Variants in ABCB11 observed in about 807,000 individuals in gnomAD.
ABCB11 encodes bile salt export pump.
Under a neutral mutation model 148.0 loss-of-function variants are expected in ABCB11, and 95 were observed. That is an observed-to-expected ratio of 0.64 (90% CI 0.54 to 0.76). ABCB11 has a LOEUF of 0.76. Among genes scored for constraint, ABCB11 ranks in the 30% least tolerant of loss-of-function variants. ABCB11 has a pLI of 0.00. For missense variants in ABCB11, 1,523 were observed against 1,617.8 expected (o/e 0.94, Z 1.01); for synonymous variants, 591 against 555.4 (o/e 1.06, Z -0.90).
Position 168,921,084 on chromosome 2 carries a change from G to A in ABCB11, c.*2538C>T, listed in dbSNP as rs1574385252. 6.6e-6 allele frequency among the ~76,000 whole-genome samples: 1 copy of A among 152,162 alleles called. No homozygotes were observed. The highest frequency in any genetic ancestry group is 1.5e-5 in the Non-Finnish European group (1 of 68,016). ...TTCATCAAAATTAGAGGATTAGCAT[G>A]CATTTATTGCAAACCTTAATTTCCT... On this transcript the variant is annotated 3_prime_UTR_variant, in exon 28 of 28. Transcript: ENST00000650372.
chr2:168,991,262 C>T (rs939399668), intron 8 of ABCB11, among the ~76,000 whole-genome samples: 1 of 152,028 alleles, frequency 6.6e-6, no homozygotes, highest in African/African-American at 2.4e-5. Flanking sequence ...TTGCTATTAG[C>T]CAATGGCCAT....
intron 1 of ABCB11, among the ~76,000 whole-genome samples, chr2:169,025,394 C>T (rs949508360): frequency 6.6e-6 from 1 of 152,278 alleles, no homozygotes; most frequent in South Asian, 2.1e-4. Context: ...CCTTGCAGGA[C>T]TGGTGTGAAG....
chr2:168,940,715 G>A (rs143464530), intron 21 of ABCB11, among the ~76,000 whole-genome samples: 82 of 152,182 alleles, frequency 5.4e-4, no homozygotes, highest in African/African-American at 1.8e-3. Context: ...TGCCATCTAG[G>A]ACTTTCATAT....
intron 3 of ABCB11, 91 bp downstream of exon 3, chr2:169,016,687 G>T: frequency 1.0e-6 from 1 of 974,514 alleles, no homozygotes; most frequent in Non-Finnish European, 1.6e-6. Flanking sequence ...AGTGCAATGT[G>T]CATGAAAGTA....
intron 21 of ABCB11, among the ~76,000 whole-genome samples, chr2:168,942,916 T>A (rs556285001): frequency 1.5e-4 from 23 of 151,922 alleles, no homozygotes; most frequent in Non-Finnish European, 3.1e-4. Flanking sequence ...GAAAATGTAA[T>A]CTATATTTAA....
At chr2:169,018,249 A>C in intron 1 of ABCB11, 97 bp from the exon 2 acceptor site, 1 of 1,053,560 alleles carries the variant, frequency 9.5e-7, no homozygotes, top group Non-Finnish European at 1.4e-6. Context: ...TCAAGAAATA[A>C]TCTTTACTAA....
chr2:168,935,057 T>G, intron 23 of ABCB11, 127 bp downstream of exon 23: 2 of 1,326,548 alleles, frequency 1.5e-6, no homozygotes, highest in Non-Finnish European at 2.1e-6. Flanking sequence ...GAGAAATAAT[T>G]AATCCCAGCT....
intron 8 of ABCB11, 117 bp from the exon 9 acceptor site, chr2:168,991,042 G>T: frequency 8.2e-7 from 1 of 1,220,318 alleles, no homozygotes; most frequent in Non-Finnish European, 1.1e-6. Flanking sequence ...GATTCTCACT[G>T]TAACATCATT....
At chr2:169,016,432 T>G (rs1695358759) in intron 3 of ABCB11, among the ~76,000 whole-genome samples, 1 of 152,172 alleles carries the variant, frequency 6.6e-6, no homozygotes, top group African/African-American at 2.4e-5. Context: ...TAATGACACT[T>G]TAGGTCTCTA....
At chr2:168,926,051 C>A (rs988934492) in intron 26 of ABCB11, among the ~76,000 whole-genome samples, 3 of 152,144 alleles carry the variant, frequency 2.0e-5, no homozygotes, top group Non-Finnish European at 4.4e-5. Context: ...AAGCCTTCCA[C>A]AAACCCACAA....
chr2:168,952,692 T>G (rs1231360936), intron 19 of ABCB11, among the ~76,000 whole-genome samples: 21 of 42,642 alleles, frequency 4.9e-4, no homozygotes, highest in Admixed American at 1.6e-3. Flanking sequence ...TTTTTTTTTG[T>G]TTGTTTCTAT....
rs1447968011 is a variant in ABCB11 at position 168,932,440 on chromosome 2, G to A, written c.3150C>T (p.Arg1050=). The change falls in exon 24 of 28, where the codon CGC becomes CGT. Residue 1050 remains arginine (R), a synonymous_variant. Coordinates refer to ENST00000650372, the MANE Select transcript of ABCB11 (RefSeq NM_003742.4). ...SYAKAKISAA[R]FFQLLDRQPP... is the part of the protein sequence containing the mutation. ...GTTGTCGGTCCAGCAGTTGAAAAAA[G>A]CGTGCAGCTGATATTTTAGCTTTTG... 6.2e-7 allele frequency: 1 copy of A among 1,608,386 alleles called. No homozygotes were observed. Among genetic ancestry groups the A allele is most frequent in the East Asian group, 2.2e-5 (1 of 44,752 alleles).
In ABCB11 at chr2:168,978,963, G is replaced by A. The variant is rs13410784; in HGVS notation, c.1197+903C>T. On this transcript the variant is annotated intron_variant, in intron 11 of 27. Transcript: ENST00000650372. The stretch of plus-strand genomic sequence containing the variant: ...TTGAACTCCTGGGCTCAGGTGACGC[G>A]CCCACCTTGGCCTCCCAAAGTATTG... 5.1e-3 allele frequency among the ~76,000 whole-genome samples: 781 copies of A among 151,844 alleles called. 7 individuals are homozygous for A. The highest frequency in any genetic ancestry group is 0.018 in the African/African-American group (733 of 41,418).
At chr2:169,017,720 C>T (rs778842036) in intron 2 of ABCB11, among the ~76,000 whole-genome samples, 3 of 152,046 alleles carry the variant, frequency 2.0e-5, no homozygotes, top group Non-Finnish European at 4.4e-5. Context: ...TAAGGAGGAG[C>T]GCTCACTCAA....
At chr2:169,015,448 C>A (rs955119997) in intron 3 of ABCB11, among the ~76,000 whole-genome samples, 1 of 152,134 alleles carries the variant, frequency 6.6e-6, no homozygotes, top group Non-Finnish European at 1.5e-5. Flanking sequence ...CCTCCTCCAA[C>A]TATATTCTAG....
intron 9 of ABCB11, among the ~76,000 whole-genome samples, chr2:168,990,151 A>C (rs1318135049): frequency 6.6e-6 from 1 of 152,056 alleles, no homozygotes; most frequent in African/African-American, 2.4e-5. Context: ...CTCCGCTTTA[A>C]TTTTGTGGAA....
chr2:168,917,553 A>T (rs909387050), downstream of ABCB11, among the ~76,000 whole-genome samples: 7 of 152,244 alleles, frequency 4.6e-5, no homozygotes, highest in Non-Finnish European at 8.8e-5. Flanking sequence ...AAAATGTATG[A>T]TGTAAAGCAT....
At chr2:168,975,064 T>C (rs60772547) in intron 12 of ABCB11, among the ~76,000 whole-genome samples, 2,743 of 139,184 alleles carry the variant, frequency 0.02, 94 homozygotes, top group African/African-American at 0.07. Flanking sequence ...ATATAAAATA[T>C]AGATAAATAT....
chr2:169,009,547 G>A (rs1237171435), intron 5 of ABCB11, among the ~76,000 whole-genome samples: 1 of 127,390 alleles, frequency 7.8e-6, no homozygotes, highest in African/African-American at 2.9e-5. Context: ...ATGGACACAG[G>A]AAGGGGAACA....
Sources: allele counts gnomAD v4.1 joint callset (sites outside exome capture counted in the v4.1 genomes callset), GRCh38; gene constraint gnomAD v4.1.1; transcripts MANE v1.5; gene names NCBI Gene and HGNC (gene_info 2026-07-23, HGNC 2026-07-21).